FAAH2: variants seen among roughly 807,000 people sequenced by gnomAD.
FAAH2 encodes the protein fatty acid amide hydrolase 2.
A neutral mutation model predicts 36.9 loss-of-function variants in FAAH2; 60 were observed. The ratio of observed to expected loss-of-function variants is 1.63; its 90% CI spans 1.32 to 2.02. The LOEUF (loss-of-function observed/expected upper bound fraction) is 2.02, where lower values mean the gene tolerates loss of function less well. Among genes scored for constraint, FAAH2 ranks in the 30% most tolerant of loss-of-function variants. The pLI is 0.00. For missense variants in FAAH2, 689 were observed against 397.5 expected (o/e 1.73, Z -6.23); for synonymous variants, 214 against 143.8 (o/e 1.49, Z -3.49).
At chrX:57,183,217 A>G in the FAAH2 span, among the ~76,000 whole-genome samples, 97 of 111,738 alleles carry the variant, frequency 8.7e-4, no homozygotes, top group Middle Eastern at 9.3e-3. Flanking sequence ...CTAAAATAAA[A>G]TTTTAAAAAA....
chrX:57,232,028 G>A, the FAAH2 span, among the ~76,000 whole-genome samples: 1 of 111,426 alleles, frequency 9.0e-6, no homozygotes, highest in African/African-American at 3.3e-5. Context: ...AGCCAGCCTA[G>A]GGGCCCTCTT....
chrX:57,272,211 A>G, the FAAH2 span, among the ~76,000 whole-genome samples: 35 of 108,986 alleles, frequency 3.2e-4, no homozygotes, highest in African/African-American at 1.1e-3. Context: ...AAAAAAAAAA[A>G]GTATAAAAAG....
chrX:57,312,292 G>T (rs1176867013), intron 3 of FAAH2, among the ~76,000 whole-genome samples: 1 of 111,974 alleles, frequency 8.9e-6, no homozygotes, highest in Non-Finnish European at 1.9e-5. Context: ...TCATCTACTG[G>T]ATTGCAGCCC....
the FAAH2 span, among the ~76,000 whole-genome samples, chrX:57,190,455 A>AC: frequency 1.8e-5 from 2 of 108,970 alleles, no homozygotes; most frequent in South Asian, 8.1e-4. Context: ...AAAAAAAAAA[A>AC]AAAAAAAACT....
intron 8 of FAAH2, among the ~76,000 whole-genome samples, chrX:57,444,573 C>A (rs989795535): frequency 9.0e-6 from 1 of 111,075 alleles, no homozygotes; most frequent in Non-Finnish European, 1.9e-5. Flanking sequence ...AGAGGATGCC[C>A]CACCCTGCTC....
intron 10 of FAAH2, among the ~76,000 whole-genome samples, chrX:57,481,351 C>T (rs930607638): frequency 9.0e-6 from 1 of 111,294 alleles, no homozygotes; most frequent in Non-Finnish European, 1.9e-5. Context: ...TGCTTTTGTG[C>T]TGTTTTTTTT....
chrX:57,431,726 T>C (rs965147094), intron 7 of FAAH2, among the ~76,000 whole-genome samples, 192 bp from the exon 8 acceptor site: 2 of 110,150 alleles, frequency 1.8e-5, no homozygotes, highest in African/African-American at 6.6e-5. Context: ...CAAAACTACT[T>C]TGCTCTATAT....
At chrX:57,196,200 AT>A in the FAAH2 span, among the ~76,000 whole-genome samples, 1 of 112,114 alleles carries the variant, frequency 8.9e-6, no homozygotes. Context: ...CAGTATGAAC[AT>A]TTCTACAATA....
intron 7 of FAAH2, among the ~76,000 whole-genome samples, chrX:57,390,030 CAATTA>C (rs899871804): frequency 1.9e-4 from 21 of 109,848 alleles, no homozygotes; most frequent in African/African-American, 6.9e-4. Flanking sequence ...GCCAATTTTT[CAATTA>C]AGTTATTTGT....
chrX:57,139,305 C>A, the FAAH2 span, among the ~76,000 whole-genome samples: 1 of 112,295 alleles, frequency 8.9e-6, no homozygotes, highest in Non-Finnish European at 1.9e-5. Flanking sequence ...ACATTTATTA[C>A]AGAGAGTGTC....
chrX:57,187,222 C>A, the FAAH2 span, among the ~76,000 whole-genome samples: 1 of 110,928 alleles, frequency 9.0e-6, no homozygotes, highest in African/African-American at 3.3e-5. Context: ...CCATTTGTGT[C>A]CCCTTTTATT....
the FAAH2 span, among the ~76,000 whole-genome samples, chrX:57,157,517 A>G: frequency 9.0e-6 from 1 of 111,345 alleles, no homozygotes; most frequent in Non-Finnish European, 1.9e-5. Flanking sequence ...CTGGGTTCCC[A>G]TGCAATCTCC....
chrX:57,292,215 T>C (rs770325333), intron 1 of FAAH2, among the ~76,000 whole-genome samples: 1 of 111,585 alleles, frequency 9.0e-6, no homozygotes, highest in East Asian at 2.8e-4. Flanking sequence ...ACATAATATC[T>C]CTGAACTCCA....
the FAAH2 span, among the ~76,000 whole-genome samples, chrX:57,188,006 T>C: frequency 4.2e-3 from 465 of 112,024 alleles, 2 homozygotes; most frequent in African/African-American, 0.014. Flanking sequence ...CCAACAGGGA[T>C]AATAACCTGA....
At chrX:57,441,088 AG>A (rs1378304706) in intron 8 of FAAH2, among the ~76,000 whole-genome samples, 1 of 111,353 alleles carries the variant, frequency 9.0e-6, no homozygotes, top group African/African-American at 3.3e-5. Flanking sequence ...TGTTTCTGCC[AG>A]GCTTTGGTAT....
the FAAH2 span, among the ~76,000 whole-genome samples, chrX:57,205,866 A>G: frequency 1.8e-5 from 2 of 112,017 alleles, no homozygotes; most frequent in Non-Finnish European, 3.8e-5. Flanking sequence ...TTGTGCCTTC[A>G]TGAGAAGGAC....
the FAAH2 span, among the ~76,000 whole-genome samples, chrX:57,267,209 T>C: frequency 4.4e-5 from 5 of 112,527 alleles, no homozygotes; most frequent in African/African-American, 1.6e-4. Flanking sequence ...CCAAGTCGTT[T>C]TTCTGGTGCA....
intron 5 of FAAH2, among the ~76,000 whole-genome samples, chrX:57,355,656 G>A (rs1250312818): frequency 9.1e-6 from 1 of 109,720 alleles, no homozygotes; most frequent in African/African-American, 3.3e-5. Context: ...TAACTTCTTC[G>A]AATTCATTTT....
chrX:57,432,115 G>A (rs1602643396), intron 8 of FAAH2, 78 bp downstream of exon 8: 2 of 874,510 alleles, frequency 2.3e-6, no homozygotes, highest in Non-Finnish European at 3.1e-6. Context: ...CCATATGTTA[G>A]AGGTGTAGAG....
Sources: gnomAD v4.1 joint callset for allele counts (sites outside exome capture counted in the v4.1 genomes callset) on GRCh38, gnomAD v4.1.1 for gene constraint, MANE v1.5 for transcripts, NCBI Gene and HGNC (gene_info 2026-07-23, HGNC 2026-07-21) for gene names.